The following LMNTD1 variants were observed in gnomAD, a reference collection of about 807,000 sequenced individuals.
LMNTD1 encodes the protein lamin tail domain containing 1, also known as lamin tail domain-containing protein 1.
Under a neutral mutation model 50.9 loss-of-function variants are expected in LMNTD1, and 35 were observed. That is an observed-to-expected ratio of 0.69 (90% CI 0.53 to 0.91). The LOEUF (loss-of-function observed/expected upper bound fraction) is 0.91. LMNTD1 is among the 40% of genes least tolerant of loss of function. The pLI, the probability that LMNTD1 is intolerant of heterozygous loss-of-function variation, is 0.00. For synonymous variants in LMNTD1, 153 were observed against 161.9 expected, an observed-to-expected ratio of 0.94 and a Z score of 0.42; for missense variants, 470 against 475.5, an observed-to-expected ratio of 0.99 and a Z score of 0.11.
At chr12:25,611,294 A>C (rs899047231) in intron 1 of LMNTD1, among the ~76,000 whole-genome samples, 3 of 152,246 alleles carry the variant, frequency 2.0e-5, no homozygotes, top group Middle Eastern at 3.2e-3. Context: ...CACGAAGATA[A>C]ATAATTTTTA....
At chr12:25,562,101 CTG>C (rs553568722) in intron 1 of LMNTD1, among the ~76,000 whole-genome samples, 6 of 152,308 alleles carry the variant, frequency 3.9e-5, no homozygotes, top group Non-Finnish European at 7.3e-5. Flanking sequence ...ATTTGCCACT[CTG>C]TGCCTTTTAA....
chr12:25,604,238 C>G (rs1364855443), intron 1 of LMNTD1, among the ~76,000 whole-genome samples: 1 of 152,130 alleles, frequency 6.6e-6, no homozygotes, highest in Non-Finnish European at 1.5e-5. Flanking sequence ...AATTCTACCA[C>G]TTATGGCCAC....
At chr12:25,610,481 G>A (rs898653570) in intron 1 of LMNTD1, among the ~76,000 whole-genome samples, 24 of 152,020 alleles carry the variant, frequency 1.6e-4, no homozygotes, top group African/African-American at 5.3e-4. Flanking sequence ...AATGGACCCC[G>A]CACCTTCATT....
chr12:25,545,128 C>T (rs1943349235), intron 4 of LMNTD1, among the ~76,000 whole-genome samples: 2 of 151,480 alleles, frequency 1.3e-5, no homozygotes, highest in Non-Finnish European at 3.0e-5. Flanking sequence ...AAGAACTCTC[C>T]TTAGCATTTC....
chr12:25,509,973 T>A (rs1459809157), intron 8 of LMNTD1, among the ~76,000 whole-genome samples: 1 of 152,216 alleles, frequency 6.6e-6, no homozygotes, highest in Admixed American at 6.5e-5. Context: ...TTCTATTGTT[T>A]TAAGACATCA....
At position 25,495,726 on chromosome 12, in the gene LMNTD1, C is replaced by T. The variant is rs563763109; in HGVS notation, c.*22+8012G>A. Among the ~76,000 whole-genome samples, 5 of 152,250 alleles carry T rather than the reference C, an allele frequency of 3.3e-5. No homozygotes were observed. In the South Asian group the frequency reaches 1.0e-3, roughly 32 times the overall value. On this transcript the variant is annotated intron_variant, in intron 9 of 9. Coordinates refer to ENST00000458174, the MANE Select transcript of LMNTD1 (RefSeq NM_001145728.2). ...ATACCATCAGAGATGAGTCTATCTT[C>T]CCTCACCTATGCCTTACTAGACAGT...
At chr12:25,489,235 T>A (rs189807881) in intron 9 of LMNTD1, among the ~76,000 whole-genome samples, 23 of 148,558 alleles carry the variant, frequency 1.5e-4, no homozygotes, top group Middle Eastern at 6.9e-3. Flanking sequence ...GACTCGCTGC[T>A]GCCTTGCAGT....
chr12:25,543,242 G>A (rs930248393), intron 4 of LMNTD1, among the ~76,000 whole-genome samples: 1 of 151,864 alleles, frequency 6.6e-6, no homozygotes, highest in Non-Finnish European at 1.5e-5. Flanking sequence ...AAGGATAAAG[G>A]AGAGACTATA....
intron 4 of LMNTD1, among the ~76,000 whole-genome samples, chr12:25,544,497 G>A (rs547871957): frequency 6.6e-6 from 1 of 151,576 alleles, no homozygotes; most frequent in African/African-American, 2.4e-5. Flanking sequence ...GCTGGATTTT[G>A]TTTCCTTATC....
chr12:25,563,196 G>A lies in LMNTD1; in HGVS notation c.59-16642C>T, dbSNP rs143400436. On this transcript the variant is annotated intron_variant, in intron 1 of 7. Transcript: ENST00000445693. ...TGTTCCATTGCTGGCGAGTAGCTGC[G>A]TTCCTTTGGAGGAGAAGAGGCGCTC... is the stretch of plus-strand genomic sequence containing the variant. 3.5e-3 allele frequency among the ~76,000 whole-genome samples: 533 copies of A among 152,310 alleles called. 4 individuals are homozygous for A. Among genetic ancestry groups the A allele is most frequent in the African/African-American group, 0.012 (510 of 41,576 alleles).
At chr12:25,616,585 C>G (rs1313993279) in intron 1 of LMNTD1, among the ~76,000 whole-genome samples, 1 of 152,132 alleles carries the variant, frequency 6.6e-6, no homozygotes, top group East Asian at 1.9e-4. Context: ...TGTTCTGTAT[C>G]TTGACCAGAT....
At chr12:25,646,451 T>C (rs1455236623) in intron 1 of LMNTD1, among the ~76,000 whole-genome samples, 1 of 152,220 alleles carries the variant, frequency 6.6e-6, no homozygotes, top group Non-Finnish European at 1.5e-5. Context: ...TCTGCTTTCC[T>C]CTTGAGGGAC....
upstream of LMNTD1, among the ~76,000 whole-genome samples, chr12:25,554,373 T>C (rs568211295): frequency 6.6e-6 from 1 of 152,364 alleles, no homozygotes; most frequent in South Asian, 2.1e-4. Flanking sequence ...TTTTCCAACA[T>C]ATTTTGGAGA....
At chr12:25,489,213 G>C (rs900450088) in intron 9 of LMNTD1, among the ~76,000 whole-genome samples, 4 of 151,580 alleles carry the variant, frequency 2.6e-5, no homozygotes, top group Non-Finnish European at 5.9e-5. Flanking sequence ...AATGGCGGGC[G>C]CCCCTCCCCC....
chr12:25,499,064 A>G (rs1939234149), intron 9 of LMNTD1, among the ~76,000 whole-genome samples: 1 of 152,112 alleles, frequency 6.6e-6, no homozygotes, highest in Non-Finnish European at 1.5e-5. Context: ...TAACAGCAGG[A>G]AAGAAATTCT....
intron 1 of LMNTD1, among the ~76,000 whole-genome samples, chr12:25,605,573 T>A (rs1946080067): frequency 6.6e-6 from 1 of 152,238 alleles, no homozygotes; most frequent in Non-Finnish European, 1.5e-5. Context: ...CCAGCCAGTT[T>A]TCCCAGCACC....
chr12:25,601,115 C>A (rs1296208202), intron 1 of LMNTD1, among the ~76,000 whole-genome samples: 1 of 151,860 alleles, frequency 6.6e-6, no homozygotes, highest in Non-Finnish European at 1.5e-5. Context: ...TACTACTCAG[C>A]CATAAAAGGA....
At chr12:25,577,330 G>A (rs1945069274) in intron 1 of LMNTD1, among the ~76,000 whole-genome samples, 1 of 152,188 alleles carries the variant, frequency 6.6e-6, no homozygotes, top group Non-Finnish European at 1.5e-5. Flanking sequence ...AGCATGGAAT[G>A]TTCTTCCATT....
chr12:25,610,454 C>G lies in LMNTD1; in HGVS notation c.58+38040G>C, dbSNP rs1946215484. On this transcript the variant is annotated intron_variant, in intron 1 of 7. Transcript: ENST00000445693. ...TGAGAGCTGCAGACCGGAGCTGTTC[C>G]TATTTGGCCATCTTGGAATGGACCC... 2.6e-5 allele frequency among the ~76,000 whole-genome samples: 4 copies of G among 152,126 alleles called. No homozygotes were observed. The South Asian group carries it at 8.3e-4, about 31-fold the overall frequency.
Sources: allele counts gnomAD v4.1 joint callset (sites outside exome capture counted in the v4.1 genomes callset), GRCh38; gene constraint gnomAD v4.1.1; transcripts MANE v1.5; gene names NCBI Gene and HGNC (gene_info 2026-07-23, HGNC 2026-07-21).